FAT3: variants seen among roughly 807,000 people sequenced by gnomAD.
FAT3 encodes the protein FAT atypical cadherin 3, also known as protocadherin Fat 3.
A neutral mutation model predicts 310.2 loss-of-function variants in FAT3; 95 were observed. The ratio of observed to expected loss-of-function variants is 0.31; its 90% CI spans 0.26 to 0.36. FAT3 has a LOEUF of 0.36. Among genes scored for constraint, FAT3 ranks in the 10% least tolerant of loss-of-function variants. The pLI is 1.00. For missense variants in FAT3, 5,408 were observed against 5,715.6 expected, an observed-to-expected ratio of 0.95 and a Z score of 1.74; for synonymous variants, 2,314 against 2,192.9, an observed-to-expected ratio of 1.06 and a Z score of -1.54.
chr11:92,856,073 T>C (rs1213546117), intron 19 of FAT3, among the ~76,000 whole-genome samples: 1 of 151,472 alleles, frequency 6.6e-6, no homozygotes, highest in Non-Finnish European at 1.5e-5. Context: ...CTCAAATTTC[T>C]GACCTTAAGT....
intron 3 of FAT3, among the ~76,000 whole-genome samples, chr11:92,620,802 C>T (rs1205278852): frequency 6.6e-6 from 1 of 152,044 alleles, no homozygotes; most frequent in African/African-American, 2.4e-5. Flanking sequence ...ACTTAAGCAA[C>T]ATTTATTTCT....
At chr11:92,316,193 G>GATAA (rs1263162474) in intron 1 of FAT3, among the ~76,000 whole-genome samples, 1 of 151,876 alleles carries the variant, frequency 6.6e-6, no homozygotes, top group Non-Finnish European at 1.5e-5. Context: ...CAGAACTAGG[G>GATAA]ATAAAAAGAG....
Position 92,810,032 on chromosome 11 carries a change from C to T in FAT3, c.9437C>T (p.Thr3146Ile). The change falls in exon 13 of 28, where the codon ACC becomes ATC. Residue 3146 changes from threonine (T) to isoleucine (I), a missense_variant. By Grantham distance (89) the Thr-to-Ile change is moderately conservative (BLOSUM62 -1). Around this residue, in one of 5 missense-constraint regions of FAT3, gnomAD observed 4,588 missense variants for 4,809.8 expected, o/e 0.95. Coordinates refer to ENST00000525166, the MANE Select transcript of FAT3 (RefSeq NM_001367949.2). ...ACCTGTGTCTATGAGAACACAGCCA[C>T]CAAGGCTCTGTTGACCAGAGTTCAA... ...YNTCVYENTA[T>I]KALLTRVQAV... 1 of 1,613,968 alleles carries T rather than the reference C, an allele frequency of 6.2e-7. No homozygotes were observed. The highest frequency in any genetic ancestry group is 8.5e-7 in the Non-Finnish European group (1 of 1,179,854).
chr11:92,746,039 G>T (rs1167536037), intron 4 of FAT3, among the ~76,000 whole-genome samples: 1 of 152,214 alleles, frequency 6.6e-6, no homozygotes, highest in Non-Finnish European at 1.5e-5. Context: ...CCAAGGCCTA[G>T]GTTCCCTTGG....
At chr11:92,517,613 A>C (rs948823498) in intron 2 of FAT3, among the ~76,000 whole-genome samples, 13 of 152,234 alleles carry the variant, frequency 8.5e-5, no homozygotes, top group African/African-American at 2.9e-4. Flanking sequence ...AAAAGCCAAA[A>C]TTGACAAATG....
chr11:92,766,818 A>T (rs1946325021), intron 6 of FAT3: 1 of 152,182 alleles, frequency 6.6e-6, no homozygotes, highest in South Asian at 2.1e-4. Flanking sequence ...GGCACCACAA[A>T]GGGTTGCACG....
intron 3 of FAT3, among the ~76,000 whole-genome samples, chr11:92,535,118 T>G (rs1044925231): frequency 6.6e-6 from 1 of 152,158 alleles, no homozygotes; most frequent in Non-Finnish European, 1.5e-5. Context: ...TTTATGCTTC[T>G]GTAGTTTTCT....
chr11:92,725,509 G>C (rs1944972166), intron 4 of FAT3, among the ~76,000 whole-genome samples: 1 of 151,812 alleles, frequency 6.6e-6, no homozygotes, highest in Admixed American at 6.6e-5. Context: ...CCAGCATGAT[G>C]GTGTCAATTA....
In FAT3 at chr11:92,792,763, A is replaced by G. The variant is rs778049588; in HGVS notation, c.4612-4A>G. 2 of 1,613,248 alleles carry G rather than the reference A, an allele frequency of 1.2e-6. No individual in the cohort carries two copies. Among genetic ancestry groups the G allele is most frequent in the Non-Finnish European group, 1.7e-6 (2 of 1,179,486 alleles). On this transcript the variant is annotated splice_region_variant and splice_polypyrimidine_tract_variant and intron_variant, in intron 8 of 27. Coordinates refer to ENST00000525166, the MANE Select transcript of FAT3 (RefSeq NM_001367949.2). ...TCCCACCACTTCTTGTATTTTGCCT[A>G]AAGGTCAGAGATCAGGAGTTTCCTT...
At chr11:92,567,001 C>G (rs1269642158) in intron 3 of FAT3, among the ~76,000 whole-genome samples, 1 of 152,024 alleles carries the variant, frequency 6.6e-6, no homozygotes, top group Non-Finnish European at 1.5e-5. Flanking sequence ...TCTAAAACAC[C>G]AAAAGCAATG....
intron 4 of FAT3, among the ~76,000 whole-genome samples, chr11:92,757,676 A>G (rs1370066923): frequency 6.6e-6 from 1 of 152,230 alleles, no homozygotes. Flanking sequence ...GAATGGGTCC[A>G]GAGAAATAAT....
At chr11:92,441,021 G>A (rs1246623855) in intron 2 of FAT3, among the ~76,000 whole-genome samples, 1 of 152,184 alleles carries the variant, frequency 6.6e-6, no homozygotes, top group Non-Finnish European at 1.5e-5. Flanking sequence ...CATGACTCCT[G>A]TCTCACTACT....
At chr11:92,506,115 C>T (rs965631130) in intron 2 of FAT3, among the ~76,000 whole-genome samples, 1 of 152,164 alleles carries the variant, frequency 6.6e-6, no homozygotes, top group Non-Finnish European at 1.5e-5. Flanking sequence ...CCCCATAAAA[C>T]ACACAGTCCA....
chr11:92,500,227 T>C (rs2135270013), intron 2 of FAT3, among the ~76,000 whole-genome samples: 1 of 152,160 alleles, frequency 6.6e-6, no homozygotes, highest in South Asian at 2.1e-4. Context: ...TAAGGATGAA[T>C]TCCAAAAGAT....
chr11:92,658,842 A>T (rs1044874994), intron 3 of FAT3, among the ~76,000 whole-genome samples: 1 of 152,116 alleles, frequency 6.6e-6, no homozygotes, highest in Non-Finnish European at 1.5e-5. Flanking sequence ...AGCCCTGTTC[A>T]ATGAGCTGTC....
At chr11:92,586,011 G>A (rs1939132378) in intron 3 of FAT3, among the ~76,000 whole-genome samples, 1 of 151,930 alleles carries the variant, frequency 6.6e-6, no homozygotes, top group African/African-American at 2.4e-5. Flanking sequence ...GGAAGCTACA[G>A]AGAGGAGCAA....
At chr11:92,375,617 T>A (rs1179469733) in intron 2 of FAT3, among the ~76,000 whole-genome samples, 1 of 152,164 alleles carries the variant, frequency 6.6e-6, no homozygotes, top group East Asian at 1.9e-4. Flanking sequence ...TTCAAGGCTG[T>A]CTTGATAATT....
intron 2 of FAT3, among the ~76,000 whole-genome samples, chr11:92,471,915 CTATATATATATATATATATATATA>C (rs140886151): frequency 0.029 from 3,615 of 124,958 alleles, 196 homozygotes; most frequent in African/African-American, 0.1. Flanking sequence ...TTTTCATATG[CTATATATATATATATATATATATA>C]TATATATATA....
chr11:92,662,441 A>C (rs1172677512), intron 3 of FAT3, among the ~76,000 whole-genome samples: 1 of 152,188 alleles, frequency 6.6e-6, no homozygotes, highest in Non-Finnish European at 1.5e-5. Context: ...AATGGCTCAG[A>C]GGTTGAGCCA....
Sources: gnomAD v4.1 joint callset for allele counts (sites outside exome capture counted in the v4.1 genomes callset) on GRCh38, gnomAD v4.1.1 for gene constraint, gnomAD v4.1.1 regional missense constraint, MANE v1.5 for transcripts, NCBI Gene and HGNC (gene_info 2026-07-23, HGNC 2026-07-21) for gene names.